The following LCLAT1 variants were observed in gnomAD, a reference collection of about 807,000 sequenced individuals.
LCLAT1 encodes the protein lysocardiolipin acyltransferase 1, also known as 1-AGP acyltransferase 8.
A neutral mutation model predicts 30.7 loss-of-function variants in LCLAT1; 11 were observed. The ratio of observed to expected loss-of-function variants is 0.36; its 90% CI spans 0.23 to 0.59. The LOEUF (loss-of-function observed/expected upper bound fraction) is 0.59, where lower values mean the gene tolerates loss of function less well. Among genes scored for constraint, LCLAT1 ranks in the 20% least tolerant of loss-of-function variants. The pLI is 0.77. For missense variants in LCLAT1, 402 were observed against 458.6 expected, an observed-to-expected ratio of 0.88 and a Z score of 1.13; for synonymous variants, 155 against 151.3, an observed-to-expected ratio of 1.02 and a Z score of -0.18.
At chr2:30,500,248 CAA>C (rs1222464536) in intron 1 of LCLAT1, among the ~76,000 whole-genome samples, 3 of 152,044 alleles carry the variant, frequency 2.0e-5, no homozygotes, top group African/African-American at 4.8e-5. Context: ...TAAGTAGAAA[CAA>C]AATAATATTA....
chr2:30,602,879 TAAG>T (rs1667258279), intron 5 of LCLAT1, among the ~76,000 whole-genome samples: 1 of 152,112 alleles, frequency 6.6e-6, no homozygotes, highest in Non-Finnish European at 1.5e-5. Context: ...TAGACAAAGA[TAAG>T]AAGATGTCTA....
At chr2:30,543,225 A>C (rs1402167768) in intron 3 of LCLAT1, among the ~76,000 whole-genome samples, 1 of 152,108 alleles carries the variant, frequency 6.6e-6, no homozygotes. Context: ...TAGAATGATA[A>C]GATGAATTTT....
intron 5 of LCLAT1, among the ~76,000 whole-genome samples, chr2:30,612,769 G>C (rs544159110): frequency 6.6e-6 from 1 of 152,220 alleles, no homozygotes; most frequent in East Asian, 1.9e-4. Flanking sequence ...CAGGCTGTTA[G>C]GGAAGGCTCT....
At chr2:30,598,061 T>G (rs1220633589) in intron 5 of LCLAT1, among the ~76,000 whole-genome samples, 2 of 152,210 alleles carry the variant, frequency 1.3e-5, no homozygotes, top group African/African-American at 4.8e-5. Flanking sequence ...TATTGAGGAT[T>G]TCTGCATCGA....
intron 1 of LCLAT1, among the ~76,000 whole-genome samples, chr2:30,450,969 A>G (rs1195456572): frequency 6.7e-6 from 1 of 149,204 alleles, no homozygotes; most frequent in Non-Finnish European, 1.5e-5. Flanking sequence ...TATCTGACCA[A>G]GGACTCATAC....
At chr2:30,572,290 C>A in intron 5 of LCLAT1, among the ~76,000 whole-genome samples, 1 of 152,290 alleles carries the variant, frequency 6.6e-6, no homozygotes, top group South Asian at 2.1e-4. Context: ...GAAGCCCTAT[C>A]TATGTACTTA....
intron 1 of LCLAT1, among the ~76,000 whole-genome samples, chr2:30,494,573 T>C (rs1472312610): frequency 1.5e-5 from 2 of 134,434 alleles, no homozygotes; most frequent in East Asian, 2.3e-4. Context: ...CATACACACA[T>C]GCATACGTGC....
chr2:30,602,184 A>G (rs1411856829), intron 5 of LCLAT1, among the ~76,000 whole-genome samples: 1 of 152,188 alleles, frequency 6.6e-6, no homozygotes, highest in Non-Finnish European at 1.5e-5. Context: ...TAATGGGGTG[A>G]TAAGTGTGTT....
At chr2:30,485,269 G>A (rs1683510056) in intron 1 of LCLAT1, among the ~76,000 whole-genome samples, 1 of 152,144 alleles carries the variant, frequency 6.6e-6, no homozygotes, top group East Asian at 1.9e-4. Context: ...TGACTAGAAA[G>A]ATATATAGCT....
At chr2:30,532,798 T>C (rs943718939) in intron 2 of LCLAT1, among the ~76,000 whole-genome samples, 3 of 152,130 alleles carry the variant, frequency 2.0e-5, no homozygotes, top group Non-Finnish European at 4.4e-5. Context: ...ATGTTACATA[T>C]CTATATCCTT....
intron 1 of LCLAT1, among the ~76,000 whole-genome samples, chr2:30,524,532 C>A (rs1252625): frequency 0.71 from 107,882 of 152,000 alleles, 40,098 homozygotes; most frequent in East Asian, 0.87. Context: ...AAATAAACAA[C>A]TGATGGGTTT....
At position 30,575,374 on chromosome 2, in the gene LCLAT1, C is replaced by A. The variant is rs138603396; in HGVS notation, c.628+7198C>A. On this transcript the variant is annotated intron_variant, in intron 5 of 5. Transcript: ENST00000379509. Reference sequence around the variant, plus strand: ...CCATGCCAGGAATATTATAGGTACTCAATAAATTTATAGTTTGGTACAAAT... The same window carrying A: ...CCATGCCAGGAATATTATAGGTACTAAATAAATTTATAGTTTGGTACAAAT... Among the ~76,000 whole-genome samples, 904 of 152,096 alleles carry A rather than the reference C, an allele frequency of 5.9e-3. 5 individuals are homozygous for A. Among genetic ancestry groups the A allele is most frequent in the Non-Finnish European group, 9.8e-3 (663 of 67,990 alleles).
chr2:30,531,733 A>G (rs17322939), intron 2 of LCLAT1, among the ~76,000 whole-genome samples: 55,484 of 152,006 alleles, frequency 0.37, 11,241 homozygotes, highest in Non-Finnish European at 0.46. Context: ...ACTTTCTAGT[A>G]TATTTCTTTA....
chr2:30,625,676 G>T (rs1668474148), intron 5 of LCLAT1, among the ~76,000 whole-genome samples: 1 of 152,106 alleles, frequency 6.6e-6, no homozygotes, highest in Non-Finnish European at 1.5e-5. Context: ...AATCTGTATT[G>T]TTATATATTT....
At chr2:30,572,597 C>G (rs1402698155) in intron 5 of LCLAT1, among the ~76,000 whole-genome samples, 1 of 152,196 alleles carries the variant, frequency 6.6e-6, no homozygotes, top group African/African-American at 2.4e-5. Context: ...GGTCATACTG[C>G]TGCTGAGCAG....
At chr2:30,518,405 TA>T (rs1363765029) in intron 1 of LCLAT1, among the ~76,000 whole-genome samples, 1 of 152,230 alleles carries the variant, frequency 6.6e-6, no homozygotes, top group Non-Finnish European at 1.5e-5. Flanking sequence ...AATTGTCTAA[TA>T]ATTGGTCTGC....
At chr2:30,529,507 G>C (rs952983571) in intron 2 of LCLAT1, among the ~76,000 whole-genome samples, 1 of 152,134 alleles carries the variant, frequency 6.6e-6, no homozygotes, top group African/African-American at 2.4e-5. Flanking sequence ...AATATTGTAA[G>C]GGTCAAACTC....
In LCLAT1 at chr2:30,525,709, G is replaced by T. The variant is rs763038460; in HGVS notation, c.119G>T (p.Arg40Leu). The change falls in exon 2 of 6, where the codon CGC becomes CTC. Residue 40 changes from arginine (R) to leucine (L), a missense_variant. Transcript: ENST00000379509. ...PLMFVNPSWY[R>L]WINNRLVATW... ...ATGTTTGTAAACCCATCTTGGTATC[G>T]CTGGATCAACAACCGCCTTGTGGCA... 1 of 1,613,782 alleles carries T rather than the reference G, an allele frequency of 6.2e-7. No individual in the cohort carries two copies. Among genetic ancestry groups the T allele is most frequent in the African/African-American group, 1.3e-5 (1 of 74,832 alleles).
chr2:30,477,671 G>T (rs767375224), intron 1 of LCLAT1, among the ~76,000 whole-genome samples: 1 of 152,032 alleles, frequency 6.6e-6, no homozygotes, highest in South Asian at 2.1e-4. Context: ...TTCCATTTAG[G>T]CTATCCCTGA....
Sources: gnomAD v4.1 joint callset for allele counts (sites outside exome capture counted in the v4.1 genomes callset) on GRCh38, gnomAD v4.1.1 for gene constraint, MANE v1.5 for transcripts, NCBI Gene and HGNC (gene_info 2026-07-23, HGNC 2026-07-21) for gene names.